NOVA1: variants seen among roughly 807,000 people sequenced by gnomAD.
NOVA1 encodes the protein RNA-binding protein Nova-1.
NOVA1 carries 7 observed loss-of-function variants against 38.0 expected under a neutral mutation model. That is an observed-to-expected ratio of 0.18 (90% CI 0.10 to 0.35). The LOEUF is 0.35. Among genes scored for constraint, NOVA1 ranks in the 10% least tolerant of loss-of-function variants. The pLI is 1.00. For missense variants in NOVA1, 460 were observed against 616.0 expected (o/e 0.75, Z 2.68); for synonymous variants, 270 against 232.5 (o/e 1.16, Z -1.47).
At chr14:26,470,338 T>A (rs560513972) in intron 4 of NOVA1, 50 of 1,462,030 alleles carry the variant, frequency 3.4e-5, no homozygotes, top group Non-Finnish European at 4.5e-5. Flanking sequence ...ACCACATGAT[T>A]AGAATCTACT....
intron 2 of NOVA1, among the ~76,000 whole-genome samples, chr14:26,543,491 A>G (rs1594503647): frequency 6.6e-6 from 1 of 152,088 alleles, no homozygotes; most frequent in South Asian, 2.1e-4. Context: ...ATAATAACAC[A>G]TGAAACAAAG....
chr14:26,465,139 A>C (rs1192921652), intron 4 of NOVA1, among the ~76,000 whole-genome samples: 2 of 152,194 alleles, frequency 1.3e-5, no homozygotes, highest in African/African-American at 4.8e-5. Flanking sequence ...ACACAAACAC[A>C]ATACACTACT....
chr14:26,494,397 T>C (rs1042934151), intron 2 of NOVA1, among the ~76,000 whole-genome samples: 9 of 152,160 alleles, frequency 5.9e-5, no homozygotes, highest in Admixed American at 1.3e-4. Flanking sequence ...TTTGTTAAAG[T>C]TGTCATAGCC....
intron 2 of NOVA1, among the ~76,000 whole-genome samples, chr14:26,572,189 T>G (rs1020717941): frequency 6.6e-6 from 1 of 152,154 alleles, no homozygotes; most frequent in South Asian, 2.1e-4. Context: ...ACAACCCACC[T>G]TAGGGAAAAC....
rs552516761 is a variant in NOVA1 at position 26,570,880 on chromosome 14, C to T, written c.280+24530G>A. On this transcript the variant is annotated intron_variant, in intron 2 of 4. Coordinates refer to ENST00000539517, the MANE Select transcript of NOVA1 (RefSeq NM_002515.3). ...AGTTTAAGGTATATCTGTTATATTT[C>T]CCTTTGTTTAATTTTCCAAAATTCT... Among the ~76,000 whole-genome samples, 4 of 152,184 alleles carry T rather than the reference C, an allele frequency of 2.6e-5. No homozygotes were observed. The South Asian group carries it at 8.3e-4, about 32-fold the overall frequency.
rs974429835 is a variant in NOVA1, at chr14:26,561,756, T to C, written c.280+33654A>G. ...CTTAAAGAAATAAAAGTTTTGTCTA[T>C]TTATAATGTTTAATACTTCTAAACA... On this transcript the variant is annotated intron_variant, in intron 2 of 4. Coordinates refer to ENST00000539517, the MANE Select transcript of NOVA1 (RefSeq NM_002515.3). 3.3e-5 allele frequency among the ~76,000 whole-genome samples: 5 copies of C among 152,316 alleles called. No individual in the cohort carries two copies. In the East Asian group the frequency reaches 5.8e-4, roughly 18 times the overall value.
At chr14:26,457,950 A>ATT (rs1883318560) in intron 4 of NOVA1, among the ~76,000 whole-genome samples, 1 of 152,060 alleles carries the variant, frequency 6.6e-6, no homozygotes, top group South Asian at 2.1e-4. Flanking sequence ...AAGTTTTAAA[A>ATT]CTAAAACAAA....
intron 2 of NOVA1, among the ~76,000 whole-genome samples, chr14:26,516,482 CTA>C (rs1308786306): frequency 3.3e-5 from 5 of 152,104 alleles, no homozygotes; most frequent in Non-Finnish European, 7.4e-5. Flanking sequence ...TCCCCAACAG[CTA>C]TGTTTTCTTT....
At chr14:26,592,580 CAA>C (rs1377486902) in intron 2 of NOVA1, among the ~76,000 whole-genome samples, 3 of 151,476 alleles carry the variant, frequency 2.0e-5, no homozygotes, top group East Asian at 1.9e-4. Flanking sequence ...ACAATTTTCT[CAA>C]GTTTGTTATT....
chr14:26,450,861 G>C (rs1882612637), intron 4 of NOVA1, among the ~76,000 whole-genome samples: 1 of 152,072 alleles, frequency 6.6e-6, no homozygotes, highest in Non-Finnish European at 1.5e-5. Context: ...TTATGGATAA[G>C]CAATTCTTTT....
intron 4 of NOVA1, among the ~76,000 whole-genome samples, chr14:26,460,771 A>T (rs1371116985): frequency 3.9e-5 from 6 of 152,190 alleles, no homozygotes; most frequent in African/African-American, 1.4e-4. Flanking sequence ...TTGCAAAATT[A>T]CTTTTATCTG....
At chr14:26,464,064 T>C (rs1041301677) in intron 4 of NOVA1, among the ~76,000 whole-genome samples, 2 of 152,144 alleles carry the variant, frequency 1.3e-5, no homozygotes, top group Non-Finnish European at 2.9e-5. Context: ...AAAATTCGGA[T>C]GTAACAAAGA....
At chr14:26,531,461 G>C (rs1027068892) in intron 2 of NOVA1, among the ~76,000 whole-genome samples, 1 of 152,080 alleles carries the variant, frequency 6.6e-6, no homozygotes, top group Non-Finnish European at 1.5e-5. Context: ...TACAAAATTA[G>C]CTGGGTGTGG....
At chr14:26,471,192 TATAAA>T (rs1449511473) in intron 4 of NOVA1, among the ~76,000 whole-genome samples, 3 of 152,064 alleles carry the variant, frequency 2.0e-5, no homozygotes, top group Non-Finnish European at 2.9e-5. Context: ...AAACCTGTAG[TATAAA>T]ATATCATCCT....
intron 2 of NOVA1, among the ~76,000 whole-genome samples, chr14:26,554,918 T>C (rs957991076): frequency 1.3e-5 from 2 of 152,140 alleles, no homozygotes; most frequent in African/African-American, 4.8e-5. Context: ...TATTTGTCTA[T>C]TTGTAAACAG....
intron 2 of NOVA1, among the ~76,000 whole-genome samples, chr14:26,491,926 C>A (rs1886379151): frequency 1.3e-5 from 2 of 151,806 alleles, no homozygotes; most frequent in South Asian, 4.2e-4. Flanking sequence ...CCTTGCAATT[C>A]CGTATGCATT....
chr14:26,525,228 C>A (rs1023667889), intron 2 of NOVA1, among the ~76,000 whole-genome samples: 5 of 152,068 alleles, frequency 3.3e-5, no homozygotes, highest in Non-Finnish European at 5.9e-5. Context: ...TATTACAAGC[C>A]AACTTATTTT....
At chr14:26,512,463 C>T (rs1208765708) in intron 2 of NOVA1, among the ~76,000 whole-genome samples, 1 of 152,112 alleles carries the variant, frequency 6.6e-6, no homozygotes, top group Non-Finnish European at 1.5e-5. Flanking sequence ...TATTAAAACA[C>T]AACCACACAC....
intron 2 of NOVA1, among the ~76,000 whole-genome samples, chr14:26,497,878 G>A (rs112620746): frequency 1.6e-4 from 25 of 152,168 alleles, no homozygotes; most frequent in African/African-American, 6.0e-4. Context: ...ACCAGGAATG[G>A]CATCTACTAG....
Sources: allele counts gnomAD v4.1 joint callset (sites outside exome capture counted in the v4.1 genomes callset), GRCh38; gene constraint gnomAD v4.1.1; transcripts MANE v1.5; gene names NCBI Gene and HGNC (gene_info 2026-07-23, HGNC 2026-07-21).